CIT: variants seen among roughly 807,000 people sequenced by gnomAD.
CIT encodes citron rho-interacting serine/threonine kinase.
Under a neutral mutation model 272.7 loss-of-function variants are expected in CIT, and 79 were observed. The observed-to-expected ratio is 0.29, with a 90% CI of 0.24 to 0.35. The LOEUF is 0.35. CIT is among the 10% of genes least tolerant of loss of function. The probability of loss-of-function intolerance (pLI) is 1.00; values close to 1 mark genes in which losing one functional copy is unlikely to be tolerated. For missense variants in CIT, 1,909 were observed against 2,618.3 expected (o/e 0.73, Z 5.91); for synonymous variants, 948 against 995.6 (o/e 0.95, Z 0.90).
At chr12:119,755,664 T>G (rs1322282633) in intron 22 of CIT, among the ~76,000 whole-genome samples, 1 of 152,240 alleles carries the variant, frequency 6.6e-6, no homozygotes, top group African/African-American at 2.4e-5. Context: ...AGGTCTGTCT[T>G]GTCGCCACTG....
rs371276417 is a variant in CIT at position 119,825,565 on chromosome 12, A to G, written c.754-197T>C. 8.2e-4 allele frequency among the ~76,000 whole-genome samples: 124 copies of G among 151,858 alleles called. 1 individual carries two copies. The highest frequency in any genetic ancestry group is 1.3e-3 in the Non-Finnish European group (86 of 67,988). On this transcript the variant is annotated intron_variant, in intron 7 of 47. Transcript: ENST00000392521. ...TAAAAAAAAAAAAAAAGCACACAGC[A>G]TATAATGCAATCCAAGGGCAAAAGG...
At chr12:119,773,653 G>C (rs1220438317) in intron 16 of CIT, among the ~76,000 whole-genome samples, 1 of 152,114 alleles carries the variant, frequency 6.6e-6, no homozygotes, top group Admixed American at 6.5e-5. Flanking sequence ...GGCTGGTCTC[G>C]AACTCCTGAC....
rs548081929 is a variant in CIT, at chr12:119,802,946, T to C, written c.1295+260A>G. Among the ~76,000 whole-genome samples, 603 of 152,204 alleles carry C rather than the reference T, an allele frequency of 4.0e-3. 2 individuals are homozygous for C. The highest frequency in any genetic ancestry group is 6.6e-3 in the Non-Finnish European group (451 of 67,994). ...CTCCCCTTTAAAGAAGACCAAAGAT[T>C]GGAAAACTAACCCAAAGTACCCAAT... On this transcript the variant is annotated intron_variant, in intron 10 of 47. Transcript: ENST00000392521.
Position 119,713,760 on chromosome 12 carries a change from T to G in CIT, c.4307-112A>C, listed in dbSNP as rs1433054335. 8.7e-7 allele frequency: 1 copy of G among 1,153,386 alleles called. No individual in the cohort carries two copies. The allele number at this position is 1,153,386 out of a possible 1,614,324, so 71.4% of individuals were successfully genotyped here. A position where few individuals can be genotyped will look rare whatever the true frequency, so the allele number is the denominator to read the frequency against. On this transcript the variant is annotated intron_variant, in intron 33 of 47. Transcript: ENST00000392521. The surrounding 1 kb of genome is among the most constrained non-coding windows in gnomAD (Gnocchi z 5.2). The stretch of plus-strand genomic sequence containing the variant: ...CTACCCCAGCCGGGCCCAGAGAGTC[T>G]GGCCCTGGCTTGCAGGTAGTCTCCT...
Position 119,687,208 on chromosome 12 carries a change from A to G in CIT, c.*1024T>C, listed in dbSNP as rs918992114. The G allele has an allele frequency of 6.6e-6, 1 of 152,588 alleles. No individual in the cohort carries two copies. Among genetic ancestry groups the G allele is most frequent in the African/African-American group, 2.4e-5 (1 of 41,436 alleles). 9.5% of individuals were successfully genotyped at this position (152,588 alleles called of 1,614,324 possible). A position where few individuals can be genotyped will look rare whatever the true frequency, so the allele number is the denominator to read the frequency against. On this transcript the variant is annotated 3_prime_UTR_variant, in exon 48 of 48. Coordinates refer to ENST00000392521, the MANE Select transcript of CIT (RefSeq NM_001206999.2). ...TGGGATGGTATTAATACATTGGCAG[A>G]GCAACCCAAGGGGGCAGCACATGCA...
chr12:119,874,670 T>A (rs1950785333), intron 2 of CIT, among the ~76,000 whole-genome samples: 2 of 152,098 alleles, frequency 1.3e-5, no homozygotes, highest in South Asian at 4.1e-4. Context: ...AAACTTTTTT[T>A]AAAATCTTAA....
Position 119,730,692 on chromosome 12 carries a change from G to C in CIT, c.3351-62C>G, listed in dbSNP as rs1958388908. ...CCAACAGCTGACCTGCGGAAAGAAG[G>C]CTGGTCCGTCTCTAATCCTGACGAG... On this transcript the variant is annotated intron_variant, in intron 26 of 47. Transcript: ENST00000392521. The C allele has an allele frequency of 2.1e-5, 33 of 1,570,856 alleles. No individual in the cohort carries two copies. The South Asian group carries it at 3.8e-4, about 18-fold the overall frequency.
Position 119,752,249 on chromosome 12 carries a change from T to TGA in CIT, c.2707-4_2707-3dup, listed in dbSNP as rs141931278. On this transcript the variant is annotated splice_region_variant and splice_polypyrimidine_tract_variant and intron_variant, in intron 22 of 47. Coordinates refer to ENST00000392521, the MANE Select transcript of CIT (RefSeq NM_001206999.2). ...CTGCTCCTCGTGCTCTAGACTGACC[T>TGA]GAGACAGAGAGAGAGAGAGAAAGAG... 0.035 allele frequency: 55,300 copies of TGA among 1,595,824 alleles called. 679 individuals are homozygous for TGA. Among genetic ancestry groups the TGA allele is most frequent in the African/African-American group, 0.12 (9,277 of 74,302 alleles).
chr12:119,794,270 GTGAATGAATGAATGAA>G (rs60480648), intron 10 of CIT, among the ~76,000 whole-genome samples: 25 of 151,806 alleles, frequency 1.6e-4, no homozygotes, highest in South Asian at 6.2e-4. Context: ...TATTTGTTGA[GTGAATGAATGAATGAA>G]TGAATGAATG....
rs199581187 is a variant in CIT, at chr12:119,701,807, G to A, written c.5413+43C>T. On this transcript the variant is annotated intron_variant, in intron 42 of 47. Transcript: ENST00000392521. ...AGGAGTGAGTTCTGAGTCTCAGCGCGGCCTGAGCCATGGGTGGGTGCGAAA... is the reference window on the plus strand; with the variant it reads ...AGGAGTGAGTTCTGAGTCTCAGCGCAGCCTGAGCCATGGGTGGGTGCGAAA... The A allele has an allele frequency of 1.6e-3, 2,503 of 1,614,174 alleles. 7 individuals carry two copies. The highest frequency in any genetic ancestry group is 1.8e-3 in the Non-Finnish European group (2,166 of 1,180,002).
chr12:119,764,982 T>C (rs1174680881), intron 19 of CIT, among the ~76,000 whole-genome samples: 1 of 151,924 alleles, frequency 6.6e-6, no homozygotes, highest in Admixed American at 6.6e-5. Flanking sequence ...AATTTTTTTG[T>C]ATTTTTAGTA....
At chr12:119,859,554 C>T (rs546725488) in intron 3 of CIT, among the ~76,000 whole-genome samples, 11 of 152,108 alleles carry the variant, frequency 7.2e-5, no homozygotes, top group Middle Eastern at 3.4e-3. Context: ...CAGTAGCTCA[C>T]GCCTGTAATC....
intron 19 of CIT, among the ~76,000 whole-genome samples, chr12:119,761,783 C>A (rs1197114552): frequency 6.6e-6 from 1 of 152,142 alleles, no homozygotes; most frequent in African/African-American, 2.4e-5. Context: ...GTTCTCAGTG[C>A]TCAGAATGCC....
chr12:119,707,896 CT>C (rs1956962722), intron 40 of CIT, among the ~76,000 whole-genome samples: 1 of 152,230 alleles, frequency 6.6e-6, no homozygotes. Flanking sequence ...TGTTATTAAT[CT>C]TTGAAGCCAA....
At chr12:119,774,864 C>T (rs1393243345) in intron 16 of CIT, among the ~76,000 whole-genome samples, 1 of 152,064 alleles carries the variant, frequency 6.6e-6, no homozygotes, top group African/African-American at 2.4e-5. Context: ...GTCCCAGCTA[C>T]CCAGGAGGCG....
At chr12:119,835,817 AC>A (rs1968954382) in intron 5 of CIT, among the ~76,000 whole-genome samples, 1 of 152,036 alleles carries the variant, frequency 6.6e-6, no homozygotes, top group Non-Finnish European at 1.5e-5. Flanking sequence ...CACCAAGGCA[AC>A]CCCAAACCAG....
In CIT at chr12:119,833,070, G is replaced by A. The variant is rs570492599; in HGVS notation, c.660-206C>T. Among the ~76,000 whole-genome samples the A allele has an allele frequency of 7.9e-5, 12 of 152,154 alleles. No homozygotes were observed. The East Asian group carries it at 2.3e-3, about 29-fold the overall frequency. ...AAGGAAGGAGAGAGAGAGGGAGAGA[G>A]GGGGAAAGAGAAAAAGGGCGAGAGG... On this transcript the variant is annotated intron_variant, in intron 6 of 47. Transcript: ENST00000392521.
chr12:119,823,069 T>C, intron 8 of CIT, 96 bp from the exon 9 acceptor site: 1 of 1,157,492 alleles, frequency 8.6e-7, no homozygotes, highest in Non-Finnish European at 1.2e-6. Context: ...TGCAAGTTTC[T>C]TTTTTTTTGT....
chr12:119,855,378 G>A (rs544089329), intron 4 of CIT, among the ~76,000 whole-genome samples: 28 of 152,126 alleles, frequency 1.8e-4, no homozygotes, highest in African/African-American at 5.8e-4. Flanking sequence ...AGCTGAGATC[G>A]CACCACTGCA....
Sources: allele counts gnomAD v4.1 joint callset (sites outside exome capture counted in the v4.1 genomes callset), GRCh38; gene constraint gnomAD v4.1.1; non-coding constraint Gnocchi (gnomAD v3.1); transcripts MANE v1.5; gene names NCBI Gene and HGNC (gene_info 2026-07-23, HGNC 2026-07-21).